The following FOXP2 variants were observed in gnomAD, a reference collection of about 807,000 sequenced individuals.
FOXP2 encodes forkhead box P2, also known as forkhead box protein P2.
In FOXP2, 12 loss-of-function variants were observed where a neutral mutation model predicts 115.8. The ratio of observed to expected loss-of-function variants is 0.10; its 90% CI spans 0.07 to 0.17. The LOEUF (loss-of-function observed/expected upper bound fraction) is 0.17, where lower values mean the gene tolerates loss of function less well. Ranked by LOEUF, FOXP2 falls within the 10% of genes least tolerant of loss-of-function variation. The probability of loss-of-function intolerance (pLI) is 1.00; values close to 1 mark genes in which losing one functional copy is unlikely to be tolerated. For missense variants in FOXP2, 629 were observed against 843.5 expected (o/e 0.75, Z 3.15); for synonymous variants, 328 against 297.7 (o/e 1.10, Z -1.05).
chr7:114,637,426 A>ATAT, intron 6 of FOXP2, among the ~76,000 whole-genome samples: 1 of 152,262 alleles, frequency 6.6e-6, no homozygotes, highest in South Asian at 2.1e-4. Flanking sequence ...GAAACCGAAT[A>ATAT]ATCTTCACTT....
chr7:114,358,740 G>A lies in FOXP2; in HGVS notation c.-10-67762G>A, dbSNP rs528026454. ...TTGAACTTGAGAGAGATGATTTAGG[G>A]TATCTGGCAGAAGAAATTTCTAAGC... On this transcript the variant is annotated intron_variant, in intron 2 of 17. Transcript: ENST00000634411. 5.3e-5 allele frequency among the ~76,000 whole-genome samples: 8 copies of A among 152,254 alleles called. No individual in the cohort carries two copies. The East Asian group carries it at 1.5e-3, about 29-fold the overall frequency.
At chr7:114,586,916 A>G (rs1205596913) in intron 3 of FOXP2, among the ~76,000 whole-genome samples, 1 of 152,182 alleles carries the variant, frequency 6.6e-6, no homozygotes, top group Non-Finnish European at 1.5e-5. Context: ...GCACTTATAA[A>G]AATGTACTTT....
chr7:114,600,485 CAG>C (rs1802961664), intron 3 of FOXP2, among the ~76,000 whole-genome samples: 4 of 152,138 alleles, frequency 2.6e-5, no homozygotes, highest in Admixed American at 2.6e-4. Context: ...CATTTGTGTG[CAG>C]AGTTTTGTGT....
intron 2 of FOXP2, among the ~76,000 whole-genome samples, chr7:114,436,790 G>T (rs1794370926): frequency 6.6e-6 from 1 of 152,016 alleles, no homozygotes; most frequent in Non-Finnish European, 1.5e-5. Flanking sequence ...AGTAGAGGGG[G>T]TGGTCAAAAA....
Position 114,680,148 on chromosome 7 carries a change from A to G in FOXP2, c.2004-9634A>G, listed in dbSNP as rs192553616. On this transcript the variant is annotated intron_variant, in intron 16 of 16. Transcript: ENST00000350908. The stretch of plus-strand genomic sequence containing the variant: ...TCCTCCAGTTGTCTAAAGAAGTTCC[A>G]AATATGTTTCTAAATCTCACAAATG... Among the ~76,000 whole-genome samples the G allele has an allele frequency of 1.5e-3, 228 of 152,316 alleles. 1 individual carries two copies. Among genetic ancestry groups the G allele is most frequent in the African/African-American group, 4.1e-3 (169 of 41,576 alleles).
At chr7:114,494,793 C>T (rs1052618208) in intron 2 of FOXP2, among the ~76,000 whole-genome samples, 2 of 151,888 alleles carry the variant, frequency 1.3e-5, no homozygotes, top group East Asian at 1.9e-4. Flanking sequence ...GAAAAAAACG[C>T]GGTAAAATTT....
chr7:114,523,045 A>C (rs977129753), intron 2 of FOXP2, among the ~76,000 whole-genome samples: 3 of 152,044 alleles, frequency 2.0e-5, no homozygotes, highest in Non-Finnish European at 4.4e-5. Context: ...TTCTTTTAAT[A>C]GTATTTTCAA....
At chr7:114,595,297 T>G (rs1213757418) in intron 3 of FOXP2, among the ~76,000 whole-genome samples, 1 of 152,002 alleles carries the variant, frequency 6.6e-6, no homozygotes, top group Non-Finnish European at 1.5e-5. Flanking sequence ...CTACATTAAT[T>G]TTCCTATTTT....
chr7:114,181,615 G>T (rs1381870447), intron 1 of FOXP2, among the ~76,000 whole-genome samples: 1 of 152,014 alleles, frequency 6.6e-6, no homozygotes, highest in Non-Finnish European at 1.5e-5. Context: ...AAGTTAAGTA[G>T]CTGGTCCAGT....
chr7:114,090,514 G>A (rs1799520988), intron 1 of FOXP2, among the ~76,000 whole-genome samples: 1 of 151,546 alleles, frequency 6.6e-6, no homozygotes, highest in Non-Finnish European at 1.5e-5. Context: ...TATTTATGTA[G>A]CCCTTAATTC....
At chr7:114,441,464 T>C (rs1487073439) in intron 2 of FOXP2, among the ~76,000 whole-genome samples, 2 of 151,666 alleles carry the variant, frequency 1.3e-5, no homozygotes, top group African/African-American at 4.8e-5. Flanking sequence ...AAAAAAAAAA[T>C]TGGAGTGGAA....
At chr7:114,346,068 T>A (rs1791339942) in intron 2 of FOXP2, among the ~76,000 whole-genome samples, 1 of 151,868 alleles carries the variant, frequency 6.6e-6, no homozygotes, top group South Asian at 2.1e-4. Context: ...TTTTAATGAT[T>A]TTTAAACATA....
intron 3 of FOXP2, among the ~76,000 whole-genome samples, chr7:114,536,645 C>T (rs1485070169): frequency 3.3e-5 from 5 of 151,290 alleles, no homozygotes; most frequent in Non-Finnish European, 5.9e-5. Context: ...TTAACAATTG[C>T]AGTTGCTGAC....
chr7:114,332,113 CGT>C (rs1491576067), intron 2 of FOXP2, among the ~76,000 whole-genome samples: 3 of 151,106 alleles, frequency 2.0e-5, no homozygotes, highest in East Asian at 1.9e-4. Flanking sequence ...GGCATATGAA[CGT>C]GTGTGTGTGT....
chr7:114,176,393 CA>C (rs1167460966), intron 1 of FOXP2, among the ~76,000 whole-genome samples: 3 of 150,890 alleles, frequency 2.0e-5, no homozygotes, highest in African/African-American at 7.4e-5. Flanking sequence ...GGCTGGAGTG[CA>C]GTGGTGCAGT....
rs959720851 is a variant in FOXP2, at chr7:114,690,239, G to T, written c.*313G>T. 1.3e-5 allele frequency: 6 copies of T among 473,194 alleles called. No homozygotes were observed. In the East Asian group the frequency reaches 3.1e-4, roughly 25 times the overall value. The allele number at this position is 473,194 out of a possible 1,614,324, so 29.3% of individuals were successfully genotyped here. On this transcript the variant is annotated 3_prime_UTR_variant, in exon 17 of 17. Transcript: ENST00000350908. The stretch of plus-strand genomic sequence containing the variant: ...CCCATTTAAAAAATGTGGCTCTTAA[G>T]GGTTCATGAAATGACTGAATATGAG...
intron 2 of FOXP2, among the ~76,000 whole-genome samples, chr7:114,485,367 C>T (rs1283648883): frequency 6.6e-6 from 1 of 151,878 alleles, no homozygotes; most frequent in Non-Finnish European, 1.5e-5. Flanking sequence ...ATACTAAGAA[C>T]ATTCAGCATA....
chr7:114,592,119 G>A (rs987919254), intron 3 of FOXP2, among the ~76,000 whole-genome samples: 1 of 151,910 alleles, frequency 6.6e-6, no homozygotes, highest in African/African-American at 2.4e-5. Context: ...TAATAATCTA[G>A]GTAATAAAAC....
chr7:114,401,479 G>T lies in FOXP2; in HGVS notation c.-10-25023G>T, dbSNP rs78398868. On this transcript the variant is annotated intron_variant, in intron 2 of 17. Coordinates refer to the FOXP2 transcript ENST00000634411. ...ACTACCACTTAATAACTTATTTTCT[G>T]CCAGGTACTTTTCATATATTGCTTT... Among the ~76,000 whole-genome samples the T allele has an allele frequency of 5.8e-3, 880 of 152,058 alleles. 5 individuals are homozygous for T. Among genetic ancestry groups the T allele is most frequent in the Non-Finnish European group, 9.4e-3 (638 of 67,970 alleles).
Sources: allele counts gnomAD v4.1 joint callset (sites outside exome capture counted in the v4.1 genomes callset), GRCh38; gene constraint gnomAD v4.1.1; transcripts MANE v1.5; gene names NCBI Gene and HGNC (gene_info 2026-07-23, HGNC 2026-07-21).